KCP: variants seen among roughly 807,000 people sequenced by gnomAD.
KCP encodes the protein kielin cysteine rich BMP regulator.
A neutral mutation model predicts 212.7 loss-of-function variants in KCP; 194 were observed. The observed-to-expected ratio is 0.91, with a 90% CI of 0.81 to 1.03. The LOEUF is 1.03. Among genes scored for constraint, KCP ranks in the 50% least tolerant of loss-of-function variants. The probability of loss-of-function intolerance (pLI) is 0.00; values close to 1 mark genes in which losing one functional copy is unlikely to be tolerated. For missense variants in KCP, 2,080 were observed against 2,162.5 expected (o/e 0.96, Z 0.76); for synonymous variants, 833 against 865.3 (o/e 0.96, Z 0.65).
intron 5 of KCP, 87 bp from the exon 6 acceptor site, chr7:128,904,225 T>C (rs1454200004): frequency 1.7e-5 from 26 of 1,513,108 alleles, no homozygotes; most frequent in Non-Finnish European, 2.2e-5. Context: ...CCCAAGTAGG[T>C]ACTGGACCCT....
chr7:128,876,944 C>A lies in KCP; in HGVS notation c.*99G>T. The A allele has an allele frequency of 2.1e-6, 3 of 1,396,280 alleles. No homozygotes were observed. The highest frequency in any genetic ancestry group is 1.4e-5 in the South Asian group (1 of 69,788). 86.5% of individuals were successfully genotyped at this position (1,396,280 alleles called of 1,614,324 possible). On this transcript the variant is annotated 3_prime_UTR_variant, in exon 40 of 40. Coordinates refer to ENST00000610776, the MANE Select transcript of KCP (RefSeq NM_001366122.1). Reference sequence around the variant, plus strand: ...AGGGCAGGGGCCCAGGCTCCAGTGTCCAGGCAGGGCATTCTCTCCATAGCC... The same window carrying A: ...AGGGCAGGGGCCCAGGCTCCAGTGTACAGGCAGGGCATTCTCTCCATAGCC...
In KCP at chr7:128,891,051, G is replaced by T. The variant is rs1284756061; in HGVS notation, c.2018C>A (p.Ala673Asp). ...CGGGGAGAAGTACTCCTGGTGGCGG[G>T]CGTGGGCCGCGCCGGGCCGTGGGCA... ...AGCPRPGAAH[A>D]RHQEYFSPPG... The change falls in exon 20 of 40, where the codon GCC becomes GAC. Residue 673 changes from alanine to aspartate, a missense_variant. By Grantham distance (126) the Ala-to-Asp change is moderately radical. Transcript: ENST00000610776. 4 of 1,393,720 alleles carry T rather than the reference G, an allele frequency of 2.9e-6. No homozygotes were observed. Among genetic ancestry groups the T allele is most frequent in the Middle Eastern group, 5.3e-4 (2 of 3,776 alleles). 86.3% of individuals were successfully genotyped at this position (1,393,720 alleles called of 1,614,324 possible). A position where few individuals can be genotyped will look rare whatever the true frequency, so the allele number is the denominator to read the frequency against.
intron 1 of KCP, among the ~76,000 whole-genome samples, chr7:128,908,973 G>A (rs1039364496): frequency 2.6e-5 from 4 of 151,992 alleles, no homozygotes; most frequent in African/African-American, 7.3e-5. Flanking sequence ...CACATTGGGT[G>A]GGGTGGGCTT....
chr7:128,910,653 C>T lies in KCP; in HGVS notation c.24G>A (p.Ala8=). 7 of 1,510,788 alleles carry T rather than the reference C, an allele frequency of 4.6e-6. No homozygotes were observed. Among genetic ancestry groups the T allele is most frequent in the Non-Finnish European group, 6.2e-6 (7 of 1,136,756 alleles). 93.6% of individuals were successfully genotyped at this position (1,510,788 alleles called of 1,614,324 possible). A position where few individuals can be genotyped will look rare whatever the true frequency, so the allele number is the denominator to read the frequency against. ...CCCCGAGGTGCAGGAGAAGGGACAG[C>T]GCAGCGGCCCCGACCCCGGCCATGC... The part of the protein sequence containing the change: MAGVGAA[A]LSLLLHLGAL... The change falls in exon 1 of 40, where the codon GCG becomes GCA. Residue 8 remains alanine, a synonymous_variant. Transcript: ENST00000610776.
intron 1 of KCP, 45 bp from the exon 2 acceptor site, chr7:128,908,613 G>C: frequency 6.6e-7 from 1 of 1,525,450 alleles, no homozygotes. Flanking sequence ...GTGAGGGGCT[G>C]GCCTGGCCAC....
intron 22 of KCP, among the ~76,000 whole-genome samples, chr7:128,887,586 CACAT>C (rs1187196151): frequency 2.7e-5 from 4 of 147,700 alleles, no homozygotes; most frequent in Non-Finnish European, 4.4e-5. Context: ...TCCCCCTCCA[CACAT>C]ACACACACAG....
At chr7:128,890,858 G>A (rs1794068881) in intron 20 of KCP, 47 bp downstream of exon 20, 2 of 1,223,562 alleles carry the variant, frequency 1.6e-6, no homozygotes, top group Non-Finnish European at 2.1e-6. Context: ...GGGCGGGGCG[G>A]GGCGGCAGGA....
At chr7:128,885,511 A>C (rs1793597544) in intron 26 of KCP, among the ~76,000 whole-genome samples, 2 of 152,194 alleles carry the variant, frequency 1.3e-5, no homozygotes, top group Admixed American at 6.5e-5. Flanking sequence ...ACCAAGCTCC[A>C]GGCAGCAGGC....
At chr7:128,909,308 G>T (rs943811682) in intron 1 of KCP, among the ~76,000 whole-genome samples, 2 of 152,192 alleles carry the variant, frequency 1.3e-5, no homozygotes, top group Non-Finnish European at 2.9e-5. Context: ...AGAGAGAGGA[G>T]GAGGGAGAGG....
intron 21 of KCP, 103 bp downstream of exon 21, chr7:128,890,240 A>G: frequency 6.5e-7 from 1 of 1,543,010 alleles, no homozygotes; most frequent in Non-Finnish European, 8.8e-7. Flanking sequence ...TTCTTACTGT[A>G]ATAAATATTT....
In KCP at chr7:128,881,478, C is replaced by T. The variant is rs560900954; in HGVS notation, c.3424+148G>A. Reference sequence around the variant, plus strand: ...CTTCTCCACCTCAAGAACAGCCCCCCTCCATTTCTAGAAAAGAATGAACCC... The same window carrying T: ...CTTCTCCACCTCAAGAACAGCCCCCTTCCATTTCTAGAAAAGAATGAACCC... On this transcript the variant is annotated intron_variant, in intron 31 of 39. Transcript: ENST00000610776. The T allele has an allele frequency of 2.3e-4, 126 of 554,944 alleles. 1 individual carries two copies. The South Asian group carries it at 3.3e-3, about 15-fold the overall frequency. The allele number at this position is 554,944 out of a possible 1,614,324, so 34.4% of individuals were successfully genotyped here. A position where few individuals can be genotyped will look rare whatever the true frequency, so the allele number is the denominator to read the frequency against.
intron 2 of KCP, 119 bp downstream of exon 2, chr7:128,908,287 AAAGAAAGAAAGAAAGAAAGG>A: frequency 1.7e-6 from 1 of 595,590 alleles, no homozygotes; most frequent in Non-Finnish European, 2.4e-6. Flanking sequence ...AGAAAGAAAG[AAAGAAAGAAAGAAAGAAAGG>A]GAATTGTTCA....
At chr7:128,906,441 C>G in intron 4 of KCP, 78 bp from the exon 5 acceptor site, 1 of 1,004,520 alleles carries the variant, frequency 1.0e-6, no homozygotes, top group Non-Finnish European at 1.5e-6. Context: ...AACCTCAGCC[C>G]AGGCTGGGAC....
At chr7:128,896,185 G>A (rs554304038) in intron 8 of KCP, among the ~76,000 whole-genome samples, 36 of 152,260 alleles carry the variant, frequency 2.4e-4, no homozygotes, top group Non-Finnish European at 4.4e-4. Context: ...GAAACCCCCC[G>A]ACCAGAAGGA....
chr7:128,890,915 G>A lies in KCP; in HGVS notation c.2154C>T (p.Pro718=). The change falls in exon 20 of 40, where the codon CCC becomes CCT. Residue 718 remains proline (P), a synonymous_variant. Transcript: ENST00000610776. ...CCGCCAGGGCGTTACCGTCGCAGGAGGGGCAGCAAGGCCCCTGGCGCGGGT... is the reference window on the plus strand; with the variant it reads ...CCGCCAGGGCGTTACCGTCGCAGGAAGGGCAGCAAGGCCCCTGGCGCGGGT... ...CAHPRQGPCC[P]SCDGCLYQGK... is the part of the protein sequence containing the mutation. 1 of 1,246,098 alleles carries A rather than the reference G, an allele frequency of 8.0e-7. No homozygotes were observed. Among genetic ancestry groups the A allele is most frequent in the Non-Finnish European group, 1.0e-6 (1 of 1,000,090 alleles). 77.2% of individuals were successfully genotyped at this position (1,246,098 alleles called of 1,614,324 possible). A position where few individuals can be genotyped will look rare whatever the true frequency, so the allele number is the denominator to read the frequency against.
Position 128,893,901 on chromosome 7 carries a change from T to C in KCP, c.1006-2A>G, listed in dbSNP as rs1794346527. On this transcript the variant is annotated splice_acceptor_variant, in intron 10 of 39. Transcript: ENST00000610776. LOFTEE classifies it high-confidence loss of function. ...AGGCTCACACTGGACACTCCCATTC[T>C]GCCAACAGGGCCTGGTCAGCACGCC... is the stretch of plus-strand genomic sequence containing the variant. The C allele has an allele frequency of 6.4e-7, 1 of 1,550,964 alleles. No homozygotes were observed. The highest frequency in any genetic ancestry group is 8.7e-7 in the Non-Finnish European group (1 of 1,146,902).
intron 1 of KCP, 122 bp downstream of exon 1, chr7:128,910,479 G>C: frequency 2.2e-6 from 2 of 911,354 alleles, no homozygotes; most frequent in Non-Finnish European, 3.1e-6. Context: ...CCAGGGAGGC[G>C]CGCGAACCTC....
At position 128,902,812 on chromosome 7, in the gene KCP, T is replaced by G; in HGVS notation, c.796A>C (p.Thr266Pro). 6.4e-7 allele frequency: 1 copy of G among 1,551,478 alleles called. No homozygotes were observed. Among genetic ancestry groups the G allele is most frequent in the East Asian group, 2.4e-5 (1 of 40,922 alleles). Residue 266 changes from threonine (T) to proline (P), a missense_variant, in exon 8 of 40, where the codon ACA becomes CCA. Thr to Pro is a conservative substitution (Grantham distance 38, BLOSUM62 -1). Transcript: ENST00000610776. ...SHWEHGQEWT[T>P]PGDPCRICRC... ...CAGATTCGGCAGGGGTCCCCAGGTG[T>G]TGTCCACTCTTGGCCATGTTCCCAG...
chr7:128,889,059 G>C lies in KCP; in HGVS notation c.2336-20C>G. On this transcript the variant is annotated intron_variant, in intron 21 of 39. Transcript: ENST00000610776. ...CACAGCCTTTCAGAGAAGAGACAGAGAGGCCGAGGGGAGGGACAGAAAGGG... is the reference window on the plus strand; with the variant it reads ...CACAGCCTTTCAGAGAAGAGACAGACAGGCCGAGGGGAGGGACAGAAAGGG... 1 of 1,475,654 alleles carries C rather than the reference G, an allele frequency of 6.8e-7. No individual in the cohort carries two copies. The highest frequency in any genetic ancestry group is 9.0e-7 in the Non-Finnish European group (1 of 1,107,146). The allele number at this position is 1,475,654 out of a possible 1,614,324, so 91.4% of individuals were successfully genotyped here. A position where few individuals can be genotyped will look rare whatever the true frequency, so the allele number is the denominator to read the frequency against.
Sources: allele counts gnomAD v4.1 joint callset (sites outside exome capture counted in the v4.1 genomes callset), GRCh38; gene constraint gnomAD v4.1.1; transcripts MANE v1.5; gene names NCBI Gene and HGNC (gene_info 2026-07-23, HGNC 2026-07-21).